MCU: variants seen among roughly 807,000 people sequenced by gnomAD.
The protein encoded by MCU is calcium uniporter protein, mitochondrial.
Under a neutral mutation model 45.2 loss-of-function variants are expected in MCU, and 12 were observed. The observed-to-expected ratio is 0.27, with a 90% CI of 0.17 to 0.43. The LOEUF is 0.43. Among genes scored for constraint, MCU ranks in the 20% least tolerant of loss-of-function variants. The probability of loss-of-function intolerance (pLI) is 1.00; values close to 1 mark genes in which losing one functional copy is unlikely to be tolerated. For missense variants in MCU, 324 were observed against 436.7 expected, an observed-to-expected ratio of 0.74 and a Z score of 2.30; for synonymous variants, 160 against 165.1, an observed-to-expected ratio of 0.97 and a Z score of 0.24.
At chr10:72,702,230 G>A (rs112599258) in intron 1 of MCU, among the ~76,000 whole-genome samples, 2 of 149,520 alleles carry the variant, frequency 1.3e-5, no homozygotes, top group African/African-American at 4.9e-5. Flanking sequence ...CAGCCTGGGC[G>A]ACAGAGCAAA....
At chr10:72,797,534 C>CT (rs11411848) in intron 1 of MCU, among the ~76,000 whole-genome samples, 57,187 of 115,648 alleles carry the variant, frequency 0.49, 17,086 homozygotes, top group Non-Finnish European at 0.67. Flanking sequence ...CCATAATATA[C>CT]TTTTTTTTTT....
At chr10:72,735,680 CT>C (rs1192611725) in intron 1 of MCU, among the ~76,000 whole-genome samples, 2 of 152,148 alleles carry the variant, frequency 1.3e-5, no homozygotes, top group Non-Finnish European at 2.9e-5. Context: ...GTAGAGTGGA[CT>C]GCCTTGGGAG....
intron 1 of MCU, among the ~76,000 whole-genome samples, chr10:72,795,721 C>T (rs1454642821): frequency 2.0e-5 from 3 of 152,142 alleles, no homozygotes; most frequent in South Asian, 2.1e-4. Context: ...ACTCTGGGGC[C>T]GGGCACAGTG....
intron 1 of MCU, among the ~76,000 whole-genome samples, chr10:72,777,910 G>T (rs1843920152): frequency 6.6e-6 from 1 of 152,112 alleles, no homozygotes; most frequent in African/African-American, 2.4e-5. Context: ...CATACAAATG[G>T]CCAAATAGGT....
In MCU at chr10:72,765,086, TAA is replaced by T. The variant is rs529761895; in HGVS notation, c.151-69255_151-69254del. Among the ~76,000 whole-genome samples the T allele has an allele frequency of 2.0e-3, 252 of 123,436 alleles. 2 individuals are homozygous for T. The highest frequency in any genetic ancestry group is 5.7e-3 in the African/African-American group (190 of 33,310). The allele number at this position is 123,436 out of a possible 152,430, so 81.0% of individuals were successfully genotyped here. ...GGGCAACATGGTGAACCCCATCTCT[TAA>T]AAAAAAAAAAAAAAAAAGAGAGAGT... On this transcript the variant is annotated intron_variant, in intron 1 of 7. Transcript: ENST00000373053.
intron 1 of MCU, among the ~76,000 whole-genome samples, chr10:72,731,797 C>T (rs2132685544): frequency 6.6e-6 from 1 of 152,124 alleles, no homozygotes; most frequent in South Asian, 2.1e-4. Flanking sequence ...ACATTTTATT[C>T]CTGTTATTGC....
chr10:72,725,720 A>T (rs373742363), intron 1 of MCU, among the ~76,000 whole-genome samples: 2 of 152,104 alleles, frequency 1.3e-5, no homozygotes, highest in East Asian at 1.9e-4. Flanking sequence ...CCCCATCTCT[A>T]CTAAAATACA....
chr10:72,810,791 G>A (rs1427161949), intron 1 of MCU, among the ~76,000 whole-genome samples: 3 of 152,012 alleles, frequency 2.0e-5, no homozygotes, highest in Non-Finnish European at 2.9e-5. Flanking sequence ...CACTGCGCCT[G>A]GTCTGTGTTG....
intron 1 of MCU, among the ~76,000 whole-genome samples, chr10:72,788,321 G>A (rs1252489405): frequency 6.6e-6 from 1 of 152,166 alleles, no homozygotes; most frequent in Non-Finnish European, 1.5e-5. Flanking sequence ...TAGTAGGCTG[G>A]CATAAATGGT....
At chr10:72,853,073 A>T (rs1280785928) in intron 2 of MCU, among the ~76,000 whole-genome samples, 2 of 152,186 alleles carry the variant, frequency 1.3e-5, no homozygotes, top group African/African-American at 4.8e-5. Flanking sequence ...TTAACTATAC[A>T]AGATCCAGCA....
intron 1 of MCU, among the ~76,000 whole-genome samples, chr10:72,823,463 TAGAC>T (rs1485683159): frequency 6.6e-6 from 1 of 152,194 alleles, no homozygotes; most frequent in Non-Finnish European, 1.5e-5. Flanking sequence ...GCTGGAGTCA[TAGAC>T]AGAGTGGGCT....
intron 1 of MCU, among the ~76,000 whole-genome samples, chr10:72,786,298 A>G (rs1348635917): frequency 6.6e-6 from 1 of 152,208 alleles, no homozygotes; most frequent in Non-Finnish European, 1.5e-5. Flanking sequence ...AATGAGTCAC[A>G]TAGTAAAAAG....
At chr10:72,862,618 G>A (rs568308496) in intron 4 of MCU, among the ~76,000 whole-genome samples, 1 of 152,266 alleles carries the variant, frequency 6.6e-6, no homozygotes, top group East Asian at 1.9e-4. Context: ...GATCTGACAG[G>A]AGGTGGAGCT....
At chr10:72,867,918 A>G (rs2132880535) in intron 4 of MCU, among the ~76,000 whole-genome samples, 1 of 151,954 alleles carries the variant, frequency 6.6e-6, no homozygotes, top group Non-Finnish European at 1.5e-5. Flanking sequence ...TTGTATTTGC[A>G]AATTTGAAAT....
chr10:72,846,313 G>A (rs182083198), intron 2 of MCU, among the ~76,000 whole-genome samples: 23 of 152,310 alleles, frequency 1.5e-4, no homozygotes, highest in Admixed American at 7.8e-4. Flanking sequence ...GAAGTGCTGG[G>A]ATCACAGGTG....
At chr10:72,694,197 G>A (rs1007964350) in intron 1 of MCU, among the ~76,000 whole-genome samples, 2 of 152,186 alleles carry the variant, frequency 1.3e-5, no homozygotes, top group African/African-American at 2.4e-5. Flanking sequence ...AATTGAACCT[G>A]ATTATTTAAA....
chr10:72,732,307 T>C (rs1843187114), intron 1 of MCU, among the ~76,000 whole-genome samples: 1 of 152,238 alleles, frequency 6.6e-6, no homozygotes, highest in Non-Finnish European at 1.5e-5. Flanking sequence ...TTAAGCTCCT[T>C]TTTAGTTCAT....
intron 1 of MCU, among the ~76,000 whole-genome samples, chr10:72,753,652 A>G (rs1843532835): frequency 6.6e-6 from 1 of 152,172 alleles, no homozygotes; most frequent in Admixed American, 6.5e-5. Flanking sequence ...AGGCTGGTAG[A>G]TCGCTTGAGC....
chr10:72,812,784 T>A (rs1844565174), intron 1 of MCU, among the ~76,000 whole-genome samples: 1 of 152,230 alleles, frequency 6.6e-6, no homozygotes, highest in African/African-American at 2.4e-5. Context: ...CTGCTTTATG[T>A]AATGTTTTAT....
Sources: allele counts gnomAD v4.1 joint callset (sites outside exome capture counted in the v4.1 genomes callset), GRCh38; gene constraint gnomAD v4.1.1; transcripts MANE v1.5; gene names NCBI Gene and HGNC (gene_info 2026-07-23, HGNC 2026-07-21).